Variants in CCDC47 observed in about 807,000 individuals in gnomAD.
CCDC47 encodes the protein coiled-coil domain containing 47.
Under a neutral mutation model 60.5 loss-of-function variants are expected in CCDC47, and 41 were observed. The ratio of observed to expected loss-of-function variants is 0.68; its 90% CI spans 0.53 to 0.88. CCDC47 has a LOEUF of 0.88. Ranked by LOEUF, CCDC47 falls within the 40% of genes least tolerant of loss-of-function variation. The probability of loss-of-function intolerance (pLI) is 0.00; values close to 1 mark genes in which losing one functional copy is unlikely to be tolerated. For synonymous variants in CCDC47, 195 were observed against 190.7 expected, an observed-to-expected ratio of 1.02 and a Z score of -0.18; for missense variants, 513 against 580.9, an observed-to-expected ratio of 0.88 and a Z score of 1.20.
rs867054979 is a variant in CCDC47 at position 63,761,517 on chromosome 17, T to A, written c.548-166A>T. 219 of 192,174 alleles carry A rather than the reference T, an allele frequency of 1.1e-3. No individual in the cohort carries two copies. The highest frequency in any genetic ancestry group is 4.5e-3 in the South Asian group (32 of 7,048). 11.9% of individuals were successfully genotyped at this position (192,174 alleles called of 1,614,324 possible). A position where few individuals can be genotyped will look rare whatever the true frequency, so the allele number is the denominator to read the frequency against. On this transcript the variant is annotated intron_variant, in intron 4 of 12. Transcript: ENST00000225726. ...CAGCATGGTGAAACCCTGTCCCTAC[T>A]AAAAAAAAAAAAAAAAAAAATTATA...
At chr17:63,750,140 G>GA (rs2039152205) in intron 12 of CCDC47, among the ~76,000 whole-genome samples, 1 of 152,116 alleles carries the variant, frequency 6.6e-6, no homozygotes, top group African/African-American at 2.4e-5. Flanking sequence ...CTTACAATCT[G>GA]ACTCAGGTTA....
intron 6 of CCDC47, among the ~76,000 whole-genome samples, chr17:63,757,893 T>A (rs1196498307): frequency 2.0e-5 from 3 of 152,118 alleles, no homozygotes; most frequent in Admixed American, 2.0e-4. Flanking sequence ...CTCAGGATGG[T>A]GCCGATAACC....
chr17:63,747,676 A>C, intron 12 of CCDC47: 4 of 985,386 alleles, frequency 4.1e-6, no homozygotes, highest in Non-Finnish European at 4.8e-6. Flanking sequence ...CAAACTTCTT[A>C]TTTTTAGGGT....
chr17:63,751,106 C>T (rs539091138), intron 12 of CCDC47, among the ~76,000 whole-genome samples: 63 of 149,246 alleles, frequency 4.2e-4, no homozygotes, highest in Admixed American at 8.7e-4. Flanking sequence ...TTTTGAACTC[C>T]TGGGCTCAAG....
chr17:63,756,968 T>C (rs921356693), intron 6 of CCDC47, among the ~76,000 whole-genome samples: 5 of 151,672 alleles, frequency 3.3e-5, no homozygotes, highest in East Asian at 1.9e-4. Context: ...AGCAAGAAAA[T>C]AGGGACTACA....
chr17:63,746,112 A>C lies in CCDC47; in HGVS notation c.*769T>G, dbSNP rs553855319. On this transcript the variant is annotated 3_prime_UTR_variant, in exon 13 of 13. Transcript: ENST00000225726. ...AATGATCTTACCTAGGTGAAGCATT[A>C]ATTTTTCATGCATTTGTTACTCAAG... 2.0e-5 allele frequency: 3 copies of C among 152,356 alleles called. No homozygotes were observed. Among genetic ancestry groups the C allele is most frequent in the African/African-American group, 7.2e-5 (3 of 41,586 alleles). 9.4% of individuals were successfully genotyped at this position (152,356 alleles called of 1,614,324 possible). A position where few individuals can be genotyped will look rare whatever the true frequency, so the allele number is the denominator to read the frequency against.
rs201738391 is a variant in CCDC47 at position 63,752,800 on chromosome 17, C to T, written c.1035-1G>A. On this transcript the variant is annotated splice_acceptor_variant, in intron 9 of 12. Coordinates refer to ENST00000225726, the MANE Select transcript of CCDC47 (RefSeq NM_020198.3). LOFTEE classifies it high-confidence loss of function. ...AGGTAGCTTTAAAGGCTGACCTTCC[C>T]TGTCATAAAAGAAAAGGCAATTAAG... is the stretch of plus-strand genomic sequence containing the variant. The T allele has an allele frequency of 2.5e-6, 4 of 1,610,654 alleles. No individual in the cohort carries two copies. In the Admixed American group the frequency reaches 6.7e-5, roughly 27 times the overall value.
At chr17:63,770,350 G>A (rs1208579875) in intron 1 of CCDC47, among the ~76,000 whole-genome samples, 4 of 152,024 alleles carry the variant, frequency 2.6e-5, no homozygotes, top group Non-Finnish European at 5.9e-5. Context: ...TTGGCATGGA[G>A]GCCTGAAATA....
chr17:63,761,431 C>T, intron 4 of CCDC47, 80 bp from the exon 5 acceptor site: 2 of 1,541,242 alleles, frequency 1.3e-6, no homozygotes, highest in Non-Finnish European at 1.8e-6. Flanking sequence ...CCTATAATCC[C>T]AGCACTTTGG....
intron 6 of CCDC47, 61 bp downstream of exon 6, chr17:63,760,853 A>AT (rs1348160409): frequency 7.8e-6 from 9 of 1,151,722 alleles, no homozygotes; most frequent in South Asian, 1.4e-5. Flanking sequence ...AAAAAAAAAA[A>AT]GAAAGAAAGA....
chr17:63,763,876 G>A (rs67905415), intron 4 of CCDC47, 140 bp downstream of exon 4: 262,627 of 409,678 alleles, frequency 0.64, 87,179 homozygotes, highest in African/African-American at 0.9. Context: ...AAAAAGAGCA[G>A]GGGGAATCCT....
intron 1 of CCDC47, among the ~76,000 whole-genome samples, chr17:63,767,854 T>G (rs2039308445): frequency 6.6e-6 from 1 of 152,196 alleles, no homozygotes; most frequent in East Asian, 1.9e-4. Flanking sequence ...ATCAATCACA[T>G]TTTTCCAGTC....
chr17:63,757,197 CAAA>C (rs201632430), intron 6 of CCDC47, among the ~76,000 whole-genome samples: 2 of 99,872 alleles, frequency 2.0e-5, no homozygotes, highest in Admixed American at 1.0e-4. Context: ...CCCATCTGTA[CAAA>C]AAAAAAAAAA....
intron 12 of CCDC47, 171 bp downstream of exon 12, chr17:63,751,769 G>C: frequency 1.4e-6 from 1 of 718,904 alleles, no homozygotes; most frequent in Non-Finnish European, 2.4e-6. Context: ...GGCACGGCTT[G>C]AACAGGAAGG....
At chr17:63,761,403 C>CG in intron 4 of CCDC47, 52 bp from the exon 5 acceptor site, 2 of 1,601,800 alleles carry the variant, frequency 1.2e-6, no homozygotes, top group Non-Finnish European at 1.7e-6. Flanking sequence ...AAGGCCGGGC[C>CG]GGGGGTGGTG....
chr17:63,749,787 G>A (rs1193123539), intron 12 of CCDC47, among the ~76,000 whole-genome samples: 1 of 151,222 alleles, frequency 6.6e-6, no homozygotes, highest in Non-Finnish European at 1.5e-5. Flanking sequence ...TTGAAAAGAT[G>A]TGAGTGAAGA....
intron 11 of CCDC47, 34 bp from the exon 12 acceptor site, chr17:63,752,141 C>T (rs759912800): frequency 2.1e-5 from 33 of 1,604,550 alleles, no homozygotes; most frequent in Non-Finnish European, 2.6e-5. Flanking sequence ...CATAAGAAAT[C>T]CATTTCTAGT....
chr17:63,760,062 C>CAAAAAA (rs10643408), intron 6 of CCDC47, among the ~76,000 whole-genome samples: 11 of 98,320 alleles, frequency 1.1e-4, no homozygotes, highest in Admixed American at 2.4e-4. Flanking sequence ...GACTCCGTCT[C>CAAAAAA]AAAAAAAAAA....
At chr17:63,757,197 C>CAA (rs201632430) in intron 6 of CCDC47, among the ~76,000 whole-genome samples, 26 of 99,884 alleles carry the variant, frequency 2.6e-4, no homozygotes, top group African/African-American at 9.1e-4. Context: ...CCCATCTGTA[C>CAA]AAAAAAAAAA....
Sources: allele counts gnomAD v4.1 joint callset (sites outside exome capture counted in the v4.1 genomes callset), GRCh38; gene constraint gnomAD v4.1.1; transcripts MANE v1.5; gene names NCBI Gene and HGNC (gene_info 2026-07-23, HGNC 2026-07-21).